CDH4: variants seen among roughly 807,000 people sequenced by gnomAD.
The protein encoded by CDH4 is cadherin 4.
In CDH4, 33 loss-of-function variants were observed where a neutral mutation model predicts 86.0. That is an observed-to-expected ratio of 0.38 (90% CI 0.29 to 0.51). CDH4 has a LOEUF of 0.51. Among genes scored for constraint, CDH4 ranks in the 20% least tolerant of loss-of-function variants. The pLI, the probability that CDH4 is intolerant of heterozygous loss-of-function variation, is 0.86. For missense variants in CDH4, 1,114 were observed against 1,307.4 expected, an observed-to-expected ratio of 0.85 and a Z score of 2.28; for synonymous variants, 555 against 549.4, an observed-to-expected ratio of 1.01 and a Z score of -0.14.
At chr20:61,728,853 C>T (rs2088144547) in intron 2 of CDH4, among the ~76,000 whole-genome samples, 1 of 152,208 alleles carries the variant, frequency 6.6e-6, no homozygotes, top group Non-Finnish European at 1.5e-5. Flanking sequence ...TAAATGGACT[C>T]TCACAGCCTT....
chr20:61,897,154 C>T (rs549039421), intron 8 of CDH4, among the ~76,000 whole-genome samples: 5 of 152,264 alleles, frequency 3.3e-5, no homozygotes, highest in South Asian at 2.1e-4. Flanking sequence ...TCCCCATGAA[C>T]GAAAGGTGGG....
chr20:61,780,380 G>A (rs753515629), intron 4 of CDH4, among the ~76,000 whole-genome samples: 17 of 152,166 alleles, frequency 1.1e-4, no homozygotes, highest in Non-Finnish European at 2.4e-4. Context: ...AGGGGCCAGG[G>A]CACCCACTTT....
chr20:61,710,725 C>T (rs73150362), intron 2 of CDH4, among the ~76,000 whole-genome samples: 13,169 of 152,264 alleles, frequency 0.086, 641 homozygotes, highest in East Asian at 0.18. Flanking sequence ...GCTGCAGAGA[C>T]AAGGTGAGCT....
chr20:61,936,924 G>T lies in CDH4; in HGVS notation c.2732G>T (p.Gly911Val), dbSNP rs2055198661. 26 of 1,587,292 alleles carry T rather than the reference G, an allele frequency of 1.6e-5. No individual in the cohort carries two copies. Among genetic ancestry groups the T allele is most frequent in the Non-Finnish European group, 2.1e-5 (24 of 1,167,260 alleles). Reference sequence around the variant, plus strand: ...TTCAAGAAGCTGGCGGACATGTATGGAGGTGGTGAAGAGGATTGACTGACC... The same window carrying T: ...TTCAAGAAGCTGGCGGACATGTATGTAGGTGGTGAAGAGGATTGACTGACC... ...PRFKKLADMY[G>V]GGEED The change falls in exon 16 of 16, where the codon GGA becomes GTA. Residue 911 changes from glycine (G) to valine (V), a missense_variant. Gly to Val is a moderately radical substitution (Grantham distance 109). Coordinates refer to ENST00000614565, the MANE Select transcript of CDH4 (RefSeq NM_001794.5).
chr20:61,396,309 G>A (rs541980427), intron 2 of CDH4, among the ~76,000 whole-genome samples: 107 of 152,258 alleles, frequency 7.0e-4, no homozygotes, highest in Non-Finnish European at 1.3e-3. Context: ...CCGAGGTCGA[G>A]GCCCCTTCCT....
At chr20:61,419,832 T>C (rs932486462) in intron 2 of CDH4, among the ~76,000 whole-genome samples, 7 of 152,234 alleles carry the variant, frequency 4.6e-5, no homozygotes, top group African/African-American at 1.7e-4. Context: ...ATCCCCCTGC[T>C]GTGTTCTCCT....
intron 2 of CDH4, among the ~76,000 whole-genome samples, chr20:61,553,026 G>A (rs957748383): frequency 6.6e-6 from 1 of 152,232 alleles, no homozygotes; most frequent in African/African-American, 2.4e-5. Flanking sequence ...TAGTCAAACA[G>A]TGGAAACAAC....
intron 2 of CDH4, among the ~76,000 whole-genome samples, chr20:61,273,040 G>A (rs1325748098): frequency 2.2e-5 from 2 of 89,546 alleles, no homozygotes. Flanking sequence ...GTTTGGGGGA[G>A]GACCACGTGC....
At chr20:61,278,487 G>A (rs575105376) in intron 2 of CDH4, among the ~76,000 whole-genome samples, 22 of 152,308 alleles carry the variant, frequency 1.4e-4, no homozygotes, top group African/African-American at 4.3e-4. Context: ...ATCACGGTCC[G>A]TGGCGACCTC....
At chr20:61,627,793 C>A (rs1474452307) in intron 2 of CDH4, among the ~76,000 whole-genome samples, 1 of 151,994 alleles carries the variant, frequency 6.6e-6, no homozygotes, top group East Asian at 1.9e-4. Context: ...GAGGGTGGGT[C>A]CCTGCCCGCT....
intron 2 of CDH4, among the ~76,000 whole-genome samples, chr20:61,667,646 G>GTA (rs77393495): frequency 2.6e-5 from 4 of 151,468 alleles, no homozygotes; most frequent in African/African-American, 7.3e-5. Flanking sequence ...TTTGTGTGTG[G>GTA]CACACACACA....
At chr20:61,677,723 A>ATAGGCAGG (rs2087459707) in intron 2 of CDH4, among the ~76,000 whole-genome samples, 1 of 151,974 alleles carries the variant, frequency 6.6e-6, no homozygotes, top group Non-Finnish European at 1.5e-5. Context: ...ATGATAGAAG[A>ATAGGCAGG]TAGGCAGGTA....
chr20:61,907,013 C>G (rs2054796845), intron 8 of CDH4, among the ~76,000 whole-genome samples: 1 of 152,096 alleles, frequency 6.6e-6, no homozygotes, highest in South Asian at 2.1e-4. Flanking sequence ...ATGGGGCAGG[C>G]CACCCTCCTC....
At chr20:61,830,725 G>A (rs1351977722) in intron 4 of CDH4, among the ~76,000 whole-genome samples, 2 of 152,270 alleles carry the variant, frequency 1.3e-5, no homozygotes, top group African/African-American at 4.8e-5. Context: ...GGCAGGCCCT[G>A]CAGAGCGGCA....
At chr20:61,564,455 T>G (rs2086246991) in intron 2 of CDH4, among the ~76,000 whole-genome samples, 2 of 152,054 alleles carry the variant, frequency 1.3e-5, no homozygotes, top group Non-Finnish European at 2.9e-5. Context: ...CTGAGTGAGT[T>G]CTCGCTCTGA....
At chr20:61,914,081 C>T (rs1369818192) in intron 9 of CDH4, among the ~76,000 whole-genome samples, 1 of 152,196 alleles carries the variant, frequency 6.6e-6, no homozygotes, top group Non-Finnish European at 1.5e-5. Flanking sequence ...AATCTCCCCA[C>T]CACCTGTGCC....
intron 13 of CDH4, among the ~76,000 whole-genome samples, chr20:61,931,597 T>C (rs970397744): frequency 1.3e-5 from 2 of 152,172 alleles, no homozygotes; most frequent in Admixed American, 6.5e-5. Context: ...ATCTGTGACA[T>C]GGGAGGTGAC....
At chr20:61,596,386 C>G (rs906666463) in intron 2 of CDH4, among the ~76,000 whole-genome samples, 1 of 152,180 alleles carries the variant, frequency 6.6e-6, no homozygotes, top group Non-Finnish European at 1.5e-5. Context: ...ATCATCTGAC[C>G]TACACACCCA....
At chr20:61,859,773 G>A (rs1244247868) in intron 6 of CDH4, among the ~76,000 whole-genome samples, 1 of 152,260 alleles carries the variant, frequency 6.6e-6, no homozygotes, top group Non-Finnish European at 1.5e-5. Context: ...CAGGATGACC[G>A]TAGCCTCACG....
Sources: allele counts gnomAD v4.1 joint callset (sites outside exome capture counted in the v4.1 genomes callset), GRCh38; gene constraint gnomAD v4.1.1; transcripts MANE v1.5; gene names NCBI Gene and HGNC (gene_info 2026-07-23, HGNC 2026-07-21).